Variants in CNPY1 observed in about 807,000 individuals in gnomAD.
CNPY1 encodes the protein canopy FGF signaling regulator 1, also known as protein canopy homolog 1.
In CNPY1, 14 loss-of-function variants were observed where a neutral mutation model predicts 14.4. The ratio of observed to expected loss-of-function variants is 0.97; its 90% CI spans 0.64 to 1.52. The LOEUF (loss-of-function observed/expected upper bound fraction) is 1.52. Ranked by LOEUF, CNPY1 falls within the 40% of genes most tolerant of loss-of-function variation. CNPY1 has a pLI of 0.00. For synonymous variants in CNPY1, 43 were observed against 46.5 expected (o/e 0.92, Z 0.31); for missense variants, 129 against 131.5 (o/e 0.98, Z 0.09).
intron 2 of CNPY1, among the ~76,000 whole-genome samples, chr7:155,521,834 A>C (rs1348700185): frequency 6.6e-6 from 1 of 152,168 alleles, no homozygotes; most frequent in Non-Finnish European, 1.5e-5. Flanking sequence ...CTATGTTTAG[A>C]GAAGATGCTT....
intron 2 of CNPY1, among the ~76,000 whole-genome samples, chr7:155,539,867 A>G (rs376542913): frequency 6.6e-6 from 1 of 152,210 alleles, no homozygotes; most frequent in African/African-American, 2.4e-5. Flanking sequence ...GAATGGACGC[A>G]GGAGGCAGAC....
intron 2 of CNPY1, among the ~76,000 whole-genome samples, chr7:155,534,561 A>G (rs1797000680): frequency 6.6e-6 from 1 of 152,198 alleles, no homozygotes; most frequent in Non-Finnish European, 1.5e-5. Flanking sequence ...GGGAAGGCGG[A>G]TCAGCTGCAG....
chr7:155,501,855 A>C lies in CNPY1; in HGVS notation c.*1213T>G, dbSNP rs572977422. 2.0e-5 allele frequency: 3 copies of C among 152,312 alleles called. No homozygotes were observed. The South Asian group carries it at 6.2e-4, about 32-fold the overall frequency. The allele number at this position is 152,312 out of a possible 1,614,324, so 9.4% of individuals were successfully genotyped here. A position where few individuals can be genotyped will look rare whatever the true frequency, so the allele number is the denominator to read the frequency against. ...ATCAGAGTTTAGGTGGGGAGGGGGC[A>C]TGGAAAGCCCTTCCCCTTAGCTTTG... On this transcript the variant is annotated 3_prime_UTR_variant, in exon 5 of 5. Coordinates refer to ENST00000636446, the MANE Select transcript of CNPY1 (RefSeq NM_001393663.1).
At position 155,501,962 on chromosome 7, in the gene CNPY1, AC is replaced by A; in HGVS notation, c.*1105del. ...AAACACATAATGTGCTTTTTAAGCA[AC>A]TAAGTAACAATATGGCAAAGAGTTT... On this transcript the variant is annotated 3_prime_UTR_variant, in exon 5 of 5. Transcript: ENST00000636446. The A allele has an allele frequency of 1.5e-5, 2 of 132,098 alleles. No homozygotes were observed. The highest frequency in any genetic ancestry group is 5.8e-5 in the African/African-American group (2 of 34,364). The allele number at this position is 132,098 out of a possible 1,614,324, so 8.2% of individuals were successfully genotyped here.
chr7:155,543,270 A>G (rs112569626), intron 2 of CNPY1, among the ~76,000 whole-genome samples: 25 of 152,258 alleles, frequency 1.6e-4, no homozygotes, highest in Admixed American at 6.5e-5. Flanking sequence ...GACCCCTCTC[A>G]TTTGGCAGCT....
chr7:155,530,963 A>G (rs1796927794), intron 2 of CNPY1, among the ~76,000 whole-genome samples: 1 of 152,258 alleles, frequency 6.6e-6, no homozygotes, highest in South Asian at 2.1e-4. Flanking sequence ...ACCTAGGTCC[A>G]AAAGTAGAAA....
intron 2 of CNPY1, among the ~76,000 whole-genome samples, chr7:155,534,968 G>A (rs1797006466): frequency 6.6e-6 from 1 of 152,150 alleles, no homozygotes; most frequent in South Asian, 2.1e-4. Flanking sequence ...TGGCTCTGGT[G>A]GGCACAGGAC....
intron 4 of CNPY1, among the ~76,000 whole-genome samples, chr7:155,505,146 ATTC>A (rs1796259957): frequency 6.6e-6 from 1 of 152,166 alleles, no homozygotes; most frequent in Non-Finnish European, 1.5e-5. Flanking sequence ...GGATTAATTT[ATTC>A]TCGGTTTTTA....
intron 2 of CNPY1, among the ~76,000 whole-genome samples, chr7:155,514,441 A>T (rs750141587): frequency 8.5e-5 from 13 of 152,208 alleles, no homozygotes; most frequent in Admixed American, 2.6e-4. Flanking sequence ...GTTACTGAGA[A>T]CATAATGGTT....
At chr7:155,543,364 C>T (rs944828919) in intron 2 of CNPY1, among the ~76,000 whole-genome samples, 13 of 152,206 alleles carry the variant, frequency 8.5e-5, no homozygotes, top group East Asian at 7.8e-4. Flanking sequence ...GAGTAGCCCC[C>T]GCAGTAACAC....
Position 155,539,908 on chromosome 7 carries a change from T to C in CNPY1, c.99+5923A>G, listed in dbSNP as rs1050047208. ...CTTGTCAACGATTCTCTTAGGAAAC[T>C]GAATAGGACCAGCAAGTTATGGGAA... is the stretch of plus-strand genomic sequence containing the variant. On this transcript the variant is annotated intron_variant, in intron 2 of 4. Transcript: ENST00000636446. Among the ~76,000 whole-genome samples, 3 of 152,158 alleles carry C rather than the reference T, an allele frequency of 2.0e-5. No individual in the cohort carries two copies. The East Asian group carries it at 5.8e-4, about 29-fold the overall frequency.
chr7:155,534,293 ACT>A (rs1796994073), intron 2 of CNPY1, among the ~76,000 whole-genome samples: 1 of 151,976 alleles, frequency 6.6e-6, no homozygotes, highest in Non-Finnish European at 1.5e-5. Flanking sequence ...ACACACACAC[ACT>A]CACACGTGCA....
chr7:155,542,965 G>A (rs914322626), intron 2 of CNPY1, among the ~76,000 whole-genome samples: 2 of 151,728 alleles, frequency 1.3e-5, no homozygotes, highest in Admixed American at 6.6e-5. Flanking sequence ...CACTGGGTCC[G>A]CACAGTGCCG....
intron 4 of CNPY1, chr7:155,506,574 AAC>A (rs1796318715): frequency 6.6e-5 from 9 of 136,730 alleles, no homozygotes; most frequent in Non-Finnish European, 9.6e-5. Context: ...CAAACAAACA[AAC>A]AAAAAAACTT....
At chr7:155,523,537 C>T (rs993222286) in intron 2 of CNPY1, among the ~76,000 whole-genome samples, 1 of 152,174 alleles carries the variant, frequency 6.6e-6, no homozygotes, top group Admixed American at 6.5e-5. Flanking sequence ...CAGCAGTGAC[C>T]GAACATGAAG....
At chr7:155,539,187 T>C (rs1797057268) in intron 2 of CNPY1, among the ~76,000 whole-genome samples, 1 of 152,236 alleles carries the variant, frequency 6.6e-6, no homozygotes, top group South Asian at 2.1e-4. Flanking sequence ...TCAGGAATTG[T>C]TGTGGCATTG....
At chr7:155,525,727 A>C (rs1796807848) in intron 2 of CNPY1, among the ~76,000 whole-genome samples, 4 of 152,168 alleles carry the variant, frequency 2.6e-5, no homozygotes, top group Admixed American at 2.6e-4. Context: ...TTATCTATGA[A>C]ATACCAATTC....
intron 2 of CNPY1, among the ~76,000 whole-genome samples, chr7:155,510,923 A>C (rs982812092): frequency 6.6e-6 from 1 of 152,272 alleles, no homozygotes; most frequent in Non-Finnish European, 1.5e-5. Flanking sequence ...AAGACAGATC[A>C]TTAGCGGAAA....
chr7:155,504,239 TA>T (rs898771642), intron 4 of CNPY1, among the ~76,000 whole-genome samples: 4 of 152,344 alleles, frequency 2.6e-5, no homozygotes, highest in South Asian at 2.1e-4. Flanking sequence ...CTTTCATGGA[TA>T]TTTTTTTTCA....
Sources: gnomAD v4.1 joint callset for allele counts (sites outside exome capture counted in the v4.1 genomes callset) on GRCh38, gnomAD v4.1.1 for gene constraint, MANE v1.5 for transcripts, NCBI Gene and HGNC (gene_info 2026-07-23, HGNC 2026-07-21) for gene names.